SUPT3H: variants seen among roughly 807,000 people sequenced by gnomAD.
The protein encoded by SUPT3H is SPT3 homolog, SAGA and STAGA complex component, also known as transcription initiation protein SPT3 homolog.
In SUPT3H, 44 loss-of-function variants were observed where a neutral mutation model predicts 44.3. The ratio of observed to expected loss-of-function variants is 0.99; its 90% CI spans 0.78 to 1.28. The LOEUF is 1.28. Among genes scored for constraint, SUPT3H ranks in the 50% most tolerant of loss-of-function variants. SUPT3H has a pLI of 0.00. For synonymous variants in SUPT3H, 124 were observed against 125.6 expected, an observed-to-expected ratio of 0.99 and a Z score of 0.09; for missense variants, 380 against 387.1, an observed-to-expected ratio of 0.98 and a Z score of 0.15.
intron 2 of SUPT3H, among the ~76,000 whole-genome samples, chr6:45,330,635 G>T (rs928962827): frequency 6.6e-6 from 1 of 151,850 alleles, no homozygotes; most frequent in African/African-American, 2.4e-5. Flanking sequence ...TCATAACAGG[G>T]ATCTTATACT....
intron 1 of SUPT3H, among the ~76,000 whole-genome samples, chr6:45,369,155 C>T (rs1795631011): frequency 6.6e-6 from 1 of 152,062 alleles, no homozygotes; most frequent in Non-Finnish European, 1.5e-5. Flanking sequence ...AAACTTATCT[C>T]AAATCAGTCA....
intron 3 of SUPT3H, among the ~76,000 whole-genome samples, chr6:45,080,488 C>T (rs1042216624): frequency 6.6e-6 from 1 of 151,864 alleles, no homozygotes; most frequent in Non-Finnish European, 1.5e-5. Flanking sequence ...ATCTGCATTC[C>T]CGTGTTTACT....
At chr6:45,305,500 TA>T (rs572189338) in intron 2 of SUPT3H, among the ~76,000 whole-genome samples, 317 of 152,350 alleles carry the variant, frequency 2.1e-3, no homozygotes, top group African/African-American at 7.1e-3. Flanking sequence ...GTTTATAAAT[TA>T]AATTACATGC....
intron 2 of SUPT3H, among the ~76,000 whole-genome samples, chr6:45,251,915 C>G: frequency 6.6e-6 from 1 of 151,750 alleles, no homozygotes; most frequent in Admixed American, 6.6e-5. Context: ...TAAGAAAGGT[C>G]ATCGATAAGA....
chr6:45,256,629 G>A (rs1028542353), intron 2 of SUPT3H, among the ~76,000 whole-genome samples: 1 of 151,214 alleles, frequency 6.6e-6, no homozygotes, highest in Non-Finnish European at 1.5e-5. Context: ...ACCACTCTAA[G>A]GAACCACAAA....
chr6:45,223,136 G>A (rs1264379764), intron 2 of SUPT3H, among the ~76,000 whole-genome samples: 1 of 152,008 alleles, frequency 6.6e-6, no homozygotes, highest in Admixed American at 6.6e-5. Context: ...CTTGACTGGT[G>A]TAGTAGATAC....
intron 2 of SUPT3H, among the ~76,000 whole-genome samples, chr6:45,113,860 C>T (rs1220723318): frequency 6.7e-6 from 1 of 148,838 alleles, no homozygotes; most frequent in South Asian, 2.1e-4. Flanking sequence ...AAATAAACAT[C>T]TAAGACAACA....
At chr6:45,260,605 T>C (rs1000705048) in intron 2 of SUPT3H, among the ~76,000 whole-genome samples, 1 of 152,146 alleles carries the variant, frequency 6.6e-6, no homozygotes, top group Non-Finnish European at 1.5e-5. Flanking sequence ...AATCTCTACA[T>C]TTTAACAAGT....
chr6:45,166,570 G>A (rs1221703263), intron 2 of SUPT3H, among the ~76,000 whole-genome samples: 2 of 121,536 alleles, frequency 1.6e-5, no homozygotes, highest in Non-Finnish European at 3.3e-5. Context: ...GGGCGACAGA[G>A]CAAGACTCCA....
intron 2 of SUPT3H, among the ~76,000 whole-genome samples, chr6:45,133,788 T>G (rs757506334): frequency 2.2e-4 from 34 of 152,148 alleles, no homozygotes; most frequent in Non-Finnish European, 4.3e-4. Flanking sequence ...AGGAGAAAAC[T>G]TGATTTAGTA....
At chr6:45,374,892 A>G (rs1213934063) in intron 1 of SUPT3H, among the ~76,000 whole-genome samples, 2 of 152,228 alleles carry the variant, frequency 1.3e-5, no homozygotes, top group East Asian at 3.8e-4. Flanking sequence ...ACACAAAAAC[A>G]GTAATTTTGT....
chr6:45,302,847 T>C (rs749370207), intron 2 of SUPT3H, among the ~76,000 whole-genome samples: 10 of 152,218 alleles, frequency 6.6e-5, no homozygotes, highest in Admixed American at 6.5e-4. Context: ...CATGGCACCA[T>C]CTATTAATTT....
At chr6:45,139,736 A>T (rs1804864557) in intron 2 of SUPT3H, among the ~76,000 whole-genome samples, 1 of 152,118 alleles carries the variant, frequency 6.6e-6, no homozygotes, top group African/African-American at 2.4e-5. Flanking sequence ...TCTTGCAGGC[A>T]CTCCCAGTCT....
chr6:45,040,228 C>G (rs773338637), intron 3 of SUPT3H, among the ~76,000 whole-genome samples: 1 of 152,072 alleles, frequency 6.6e-6, no homozygotes, highest in Non-Finnish European at 1.5e-5. Flanking sequence ...ACTCTATTTA[C>G]GAAAATAAGC....
chr6:45,309,568 T>C (rs960590832), intron 2 of SUPT3H, among the ~76,000 whole-genome samples: 4 of 151,742 alleles, frequency 2.6e-5, no homozygotes, highest in African/African-American at 9.7e-5. Context: ...GAAAAAGTGA[T>C]AGAAATCTTA....
intron 6 of SUPT3H, among the ~76,000 whole-genome samples, chr6:44,976,167 GA>G (rs1422789566): frequency 6.6e-6 from 1 of 151,908 alleles, no homozygotes; most frequent in African/African-American, 2.4e-5. Flanking sequence ...ACAAAAGGAA[GA>G]AAATTTTTTT....
intron 10 of SUPT3H, among the ~76,000 whole-genome samples, chr6:44,924,671 T>C (rs546271000): frequency 1.3e-5 from 2 of 152,268 alleles, no homozygotes; most frequent in South Asian, 2.1e-4. Flanking sequence ...TTAAATTAAA[T>C]GTTTCATATC....
chr6:44,874,940 A>T (rs1394416533), intron 10 of SUPT3H, among the ~76,000 whole-genome samples: 1 of 134,052 alleles, frequency 7.5e-6, no homozygotes, highest in Non-Finnish European at 1.6e-5. Context: ...AATCCAACTT[A>T]CAAGGGATGT....
chr6:45,100,663 AATT>A (rs1798446769), intron 3 of SUPT3H, among the ~76,000 whole-genome samples: 1 of 151,904 alleles, frequency 6.6e-6, no homozygotes, highest in East Asian at 1.9e-4. Context: ...ACCTCACCCT[AATT>A]ATTAGAATGG....
Sources: gnomAD v4.1 joint callset for allele counts (sites outside exome capture counted in the v4.1 genomes callset) on GRCh38, gnomAD v4.1.1 for gene constraint, MANE v1.5 for transcripts, NCBI Gene and HGNC (gene_info 2026-07-23, HGNC 2026-07-21) for gene names.